The following LRP11 variants were observed in gnomAD, a reference collection of about 807,000 sequenced individuals.
LRP11 encodes the protein LDL receptor related protein 11, also known as low-density lipoprotein receptor-related protein 11.
A neutral mutation model predicts 43.1 loss-of-function variants in LRP11; 25 were observed. That is an observed-to-expected ratio of 0.58 (90% CI 0.42 to 0.81). The LOEUF is 0.81. LRP11 is among the 30% of genes least tolerant of loss of function. The pLI is 0.00. For synonymous variants in LRP11, 316 were observed against 299.4 expected (o/e 1.06, Z -0.57); for missense variants, 623 against 665.1 (o/e 0.94, Z 0.70).
intron 5 of LRP11, among the ~76,000 whole-genome samples, chr6:149,832,766 G>A (rs574110936): frequency 7.3e-5 from 11 of 151,710 alleles, no homozygotes; most frequent in African/African-American, 2.4e-4. Context: ...GACTACAGGT[G>A]CCCGCCACCA....
intron 1 of LRP11, among the ~76,000 whole-genome samples, chr6:149,854,258 C>T (rs1400660637): frequency 6.6e-6 from 1 of 152,024 alleles, no homozygotes; most frequent in Admixed American, 6.6e-5. Context: ...GTAGTTAGGA[C>T]TGCAGGTGTG....
At chr6:149,832,512 C>T (rs901354276) in intron 5 of LRP11, among the ~76,000 whole-genome samples, 1 of 151,994 alleles carries the variant, frequency 6.6e-6, no homozygotes, top group East Asian at 1.9e-4. Flanking sequence ...TTGTCCTCAC[C>T]ACATGTCTGT....
intron 2 of LRP11, among the ~76,000 whole-genome samples, chr6:149,846,953 T>TAATAGAATAAAATAGAATAG (rs1776642776): frequency 2.3e-5 from 3 of 131,414 alleles, no homozygotes; most frequent in African/African-American, 8.8e-5. Flanking sequence ...TAAAATAAAA[T>TAATAGAATAAAATAGAATAG]AATAGAATAG....
chr6:149,834,544 C>G (rs1315725326), intron 5 of LRP11, among the ~76,000 whole-genome samples: 4 of 152,256 alleles, frequency 2.6e-5, no homozygotes, highest in Non-Finnish European at 4.4e-5. Context: ...ACACAGATCT[C>G]TCCATAAACT....
At chr6:149,826,382 A>G (rs1257355412) in intron 5 of LRP11, 23 bp from the exon 6 acceptor site, 5 of 1,552,188 alleles carry the variant, frequency 3.2e-6, no homozygotes, top group Non-Finnish European at 4.4e-6. Context: ...AAGAGAACAT[A>G]TATTGAAGGT....
intron 6 of LRP11, among the ~76,000 whole-genome samples, chr6:149,823,412 C>T (rs1776300798): frequency 6.6e-6 from 1 of 152,094 alleles, no homozygotes; most frequent in Admixed American, 6.5e-5. Flanking sequence ...CTGAGGAAAT[C>T]AGGGGCTTTA....
intron 1 of LRP11, among the ~76,000 whole-genome samples, chr6:149,856,811 T>A (rs1776805754): frequency 6.6e-6 from 1 of 152,132 alleles, no homozygotes; most frequent in Admixed American, 6.5e-5. Flanking sequence ...AGGAAGACAT[T>A]CTGTGCTGTG....
chr6:149,863,262 TA>T, intron 1 of LRP11, 145 bp downstream of exon 1: 1 of 1,188,526 alleles, frequency 8.4e-7, no homozygotes, highest in Non-Finnish European at 1.1e-6. Context: ...TCCTCTTCCC[TA>T]AGACAGAGAA....
intron 6 of LRP11, 52 bp downstream of exon 6, chr6:149,826,212 G>A (rs367869779): frequency 7.5e-7 from 1 of 1,329,808 alleles, no homozygotes; most frequent in Non-Finnish European, 1.1e-6. Context: ...CAGAGGGCAT[G>A]CAGTTCTGAG....
At chr6:149,847,622 T>C (rs1057433560) in intron 2 of LRP11, among the ~76,000 whole-genome samples, 19 of 152,066 alleles carry the variant, frequency 1.2e-4, no homozygotes, top group Admixed American at 1.1e-3. Flanking sequence ...AATTTGTAAC[T>C]TGGAAAAAGA....
In LRP11 at chr6:149,858,430, T is replaced by A. The variant is rs187894477; in HGVS notation, c.613+4978A>T. On this transcript the variant is annotated intron_variant, in intron 1 of 6. Transcript: ENST00000239367. ...ATGGAGTATATGTGCCACATTTTCT[T>A]AATCCAGTCTATTATTAATGGACAT... is the stretch of plus-strand genomic sequence containing the variant. 3.5e-4 allele frequency among the ~76,000 whole-genome samples: 53 copies of A among 152,350 alleles called. 1 individual carries two copies. In the East Asian group the frequency reaches 0.01, roughly 29 times the overall value.
chr6:149,855,138 A>G (rs1307463204), intron 1 of LRP11, among the ~76,000 whole-genome samples: 1 of 152,202 alleles, frequency 6.6e-6, no homozygotes, highest in South Asian at 2.1e-4. Flanking sequence ...GCCAGTTTCC[A>G]CTAACCCTTT....
intron 6 of LRP11, among the ~76,000 whole-genome samples, chr6:149,820,909 T>A (rs947626339): frequency 1.3e-5 from 2 of 151,988 alleles, no homozygotes; most frequent in Middle Eastern, 6.8e-3. Context: ...AAGTTGTAGG[T>A]TCAGGTCCCA....
At chr6:149,863,027 C>T (rs374494660) in intron 1 of LRP11, among the ~76,000 whole-genome samples, 1 of 152,166 alleles carries the variant, frequency 6.6e-6, no homozygotes, top group African/African-American at 2.4e-5. Context: ...GTGGGTGTTA[C>T]GAGAAGCCCG....
At chr6:149,821,565 T>C (rs1392844953) in intron 6 of LRP11, among the ~76,000 whole-genome samples, 1 of 152,322 alleles carries the variant, frequency 6.6e-6, no homozygotes, top group East Asian at 1.9e-4. Context: ...GGAAAACATT[T>C]CTTTAGTTTT....
chr6:149,831,235 C>A (rs1017529409), intron 5 of LRP11, among the ~76,000 whole-genome samples: 10 of 152,216 alleles, frequency 6.6e-5, no homozygotes, highest in Non-Finnish European at 1.5e-5. Context: ...CATTTCATTT[C>A]CAGCTGCCAT....
Position 149,846,953 on chromosome 6 carries a change from T to TAG in LRP11, c.772-3830_772-3829insCT, listed in dbSNP as rs1554259656. 3.0e-3 allele frequency among the ~76,000 whole-genome samples: 390 copies of TAG among 131,506 alleles called. 5 individuals are homozygous for TAG. Among genetic ancestry groups the TAG allele is most frequent in the African/African-American group, 9.3e-3 (317 of 34,270 alleles). 86.3% of individuals were successfully genotyped at this position (131,506 alleles called of 152,430 possible). The stretch of plus-strand genomic sequence containing the variant: ...TATCTCAATATAAAATAAAATAAAA[T>TAG]AATAGAATAGAATAGAATAGAATAG... On this transcript the variant is annotated intron_variant, in intron 2 of 6. Coordinates refer to ENST00000239367, the MANE Select transcript of LRP11 (RefSeq NM_032832.6).
intron 2 of LRP11, 28 bp downstream of exon 2, chr6:149,852,975 T>G: frequency 1.9e-6 from 3 of 1,551,452 alleles, no homozygotes; most frequent in Non-Finnish European, 2.6e-6. Context: ...AAATACTCGT[T>G]TTTGTTAGCA....
intron 1 of LRP11, among the ~76,000 whole-genome samples, chr6:149,862,160 AC>A (rs879299647): frequency 1.3e-5 from 2 of 152,086 alleles, no homozygotes; most frequent in Non-Finnish European, 2.9e-5. Context: ...TCGCAGGGTG[AC>A]CCTTTGATAT....
Sources: gnomAD v4.1 joint callset for allele counts (sites outside exome capture counted in the v4.1 genomes callset) on GRCh38, gnomAD v4.1.1 for gene constraint, MANE v1.5 for transcripts, NCBI Gene and HGNC (gene_info 2026-07-23, HGNC 2026-07-21) for gene names.